The following SENP5 variants were observed in gnomAD, a reference collection of about 807,000 sequenced individuals.
The protein encoded by SENP5 is sentrin-specific protease 5.
Under a neutral mutation model 74.2 loss-of-function variants are expected in SENP5, and 21 were observed. That is an observed-to-expected ratio of 0.28 (90% confidence interval 0.20 to 0.41). SENP5 has a LOEUF of 0.41. SENP5 is among the 10% of genes least tolerant of loss of function. SENP5 has a pLI of 1.00. For synonymous variants in SENP5, 311 were observed against 312.7 expected (o/e 0.99, Z 0.06); for missense variants, 717 against 889.1 (o/e 0.81, Z 2.46).
chr3:196,899,878 T>A, intron 3 of SENP5, 46 bp from the exon 4 acceptor site: 1 of 1,602,018 alleles, frequency 6.2e-7, no homozygotes, highest in Non-Finnish European at 8.5e-7. Context: ...AATTGAGAAG[T>A]ACTCATGTTT....
intron 2 of SENP5, among the ~76,000 whole-genome samples, chr3:196,894,831 G>T (rs2108829286): frequency 6.6e-6 from 1 of 152,160 alleles, no homozygotes; most frequent in East Asian, 1.9e-4. Context: ...GATTTATTTT[G>T]TAATCTTTTA....
intron 2 of SENP5, among the ~76,000 whole-genome samples, chr3:196,887,007 AT>A (rs1477495337): frequency 6.6e-6 from 1 of 152,154 alleles, no homozygotes; most frequent in African/African-American, 2.4e-5. Context: ...CACACTTAAA[AT>A]TTTAAGATAA....
At chr3:196,919,068 T>TA (rs1715506798) in intron 6 of SENP5, among the ~76,000 whole-genome samples, 1 of 151,900 alleles carries the variant, frequency 6.6e-6, no homozygotes, top group Non-Finnish European at 1.5e-5. Flanking sequence ...TAAAGAGAGA[T>TA]ACCATCACAA....
chr3:196,872,653 G>A (rs1171752411), intron 1 of SENP5, among the ~76,000 whole-genome samples: 5 of 152,078 alleles, frequency 3.3e-5, no homozygotes, highest in East Asian at 1.9e-4. Context: ...ATTGGATAGC[G>A]GAGCTGCACT....
chr3:196,890,467 A>G (rs1470715811), intron 2 of SENP5, among the ~76,000 whole-genome samples: 1 of 152,228 alleles, frequency 6.6e-6, no homozygotes, highest in African/African-American at 2.4e-5. Context: ...TCAGTATTAC[A>G]TAAAATGATG....
At chr3:196,898,071 A>C (rs1485403734) in intron 2 of SENP5, among the ~76,000 whole-genome samples, 1 of 150,854 alleles carries the variant, frequency 6.6e-6, no homozygotes. Flanking sequence ...CCAGCTACTC[A>C]CGAGGCTGAG....
intron 2 of SENP5, among the ~76,000 whole-genome samples, chr3:196,898,963 C>G (rs1164740945): frequency 6.6e-6 from 1 of 151,760 alleles, no homozygotes; most frequent in African/African-American, 2.4e-5. Flanking sequence ...CCTGTAGTCA[C>G]AGCTATTTGG....
intron 1 of SENP5, among the ~76,000 whole-genome samples, chr3:196,879,990 G>T (rs1013099206): frequency 2.0e-5 from 3 of 152,140 alleles, no homozygotes. Context: ...CTGTTGCCCA[G>T]GCTGGAGTGC....
chr3:196,911,487 G>C (rs1013491733), intron 6 of SENP5, among the ~76,000 whole-genome samples: 1 of 151,766 alleles, frequency 6.6e-6, no homozygotes, highest in Non-Finnish European at 1.5e-5. Context: ...GACCTGGGAA[G>C]TGGAAGTTGC....
chr3:196,899,307 T>C (rs1714597259), intron 2 of SENP5, among the ~76,000 whole-genome samples: 1 of 152,180 alleles, frequency 6.6e-6, no homozygotes, highest in Admixed American at 6.6e-5. Context: ...GATAGGCACA[T>C]TTGACTATGT....
At chr3:196,914,586 A>AAAAAAAAAAAAAATATATAT in intron 6 of SENP5, 8 of 33,496 alleles carry the variant, frequency 2.4e-4, no homozygotes, top group African/African-American at 5.4e-4. Flanking sequence ...AAAAAAAAAA[A>AAAAAAAAAAAAAATATATAT]ATATATATAT....
chr3:196,894,020 G>A (rs1714327512), intron 2 of SENP5, among the ~76,000 whole-genome samples: 1 of 151,408 alleles, frequency 6.6e-6, no homozygotes, highest in Non-Finnish European at 1.5e-5. Flanking sequence ...ATTTATGGTC[G>A]TGTATGAGAA....
At chr3:196,927,983 G>A (rs1272702154) in intron 8 of SENP5, 104 bp downstream of exon 8, 2 of 646,998 alleles carry the variant, frequency 3.1e-6, no homozygotes, top group Non-Finnish European at 5.4e-6. Flanking sequence ...GAGATACCAA[G>A]GAGAGCCTGG....
At chr3:196,927,912 G>A (rs374175214) in intron 8 of SENP5, 33 bp downstream of exon 8, 3 of 1,371,648 alleles carry the variant, frequency 2.2e-6, no homozygotes, top group South Asian at 1.2e-5. Flanking sequence ...ACCCAGGCAT[G>A]TCCAGGGGAT....
rs973203954 is a variant in SENP5, at chr3:196,918,527, A to G, written c.1885-4887A>G. 4.6e-5 allele frequency among the ~76,000 whole-genome samples: 7 copies of G among 152,146 alleles called. 1 individual carries two copies. The highest frequency in any genetic ancestry group is 3.9e-4 in the Admixed American group (6 of 15,282). ...AACAAAAAATCTACAACAGGTATAC[A>G]AAAAATGAAAAGCAAGAAATAAAAC... On this transcript the variant is annotated intron_variant, in intron 6 of 9. Transcript: ENST00000323460.
chr3:196,887,190 C>CTT (rs200479894), intron 2 of SENP5, among the ~76,000 whole-genome samples: 1 of 145,892 alleles, frequency 6.9e-6, no homozygotes, highest in African/African-American at 2.6e-5. Flanking sequence ...GCCTATTTTT[C>CTT]TTTTTTTTGA....
chr3:196,931,299 C>G lies in SENP5; in HGVS notation c.*376C>G, dbSNP rs898677392. 4.8e-5 allele frequency: 8 copies of G among 165,742 alleles called. No individual in the cohort carries two copies. Among genetic ancestry groups the G allele is most frequent in the African/African-American group, 1.9e-4 (8 of 41,730 alleles). The allele number at this position is 165,742 out of a possible 1,614,324, so 10.3% of individuals were successfully genotyped here. A position where few individuals can be genotyped will look rare whatever the true frequency, so the allele number is the denominator to read the frequency against. Reference sequence around the variant, plus strand: ...ACAGGTTTCAAATTTACTCCCAGAACCTAAAAATGCAAGATGTTTTTGATA... The same window carrying G: ...ACAGGTTTCAAATTTACTCCCAGAAGCTAAAAATGCAAGATGTTTTTGATA... On this transcript the variant is annotated 3_prime_UTR_variant, in exon 10 of 10. Coordinates refer to ENST00000323460, the MANE Select transcript of SENP5 (RefSeq NM_152699.5).
chr3:196,917,276 T>C (rs1715418143), intron 6 of SENP5, among the ~76,000 whole-genome samples: 1 of 151,936 alleles, frequency 6.6e-6, no homozygotes, highest in Non-Finnish European at 1.5e-5. Context: ...GGACAGACTG[T>C]ATGTAAATAC....
chr3:196,921,813 G>A (rs928423176), intron 6 of SENP5, among the ~76,000 whole-genome samples: 2 of 152,178 alleles, frequency 1.3e-5, no homozygotes, highest in Non-Finnish European at 2.9e-5. Context: ...ATCAGAAAGC[G>A]AGAAGGAAAT....
Sources: allele counts gnomAD v4.1 joint callset (sites outside exome capture counted in the v4.1 genomes callset), GRCh38; gene constraint gnomAD v4.1.1; transcripts MANE v1.5; gene names NCBI Gene and HGNC (gene_info 2026-07-23, HGNC 2026-07-21).